The following PTPN5 variants were observed in gnomAD, a reference collection of about 807,000 sequenced individuals.
The protein encoded by PTPN5 is protein tyrosine phosphatase non-receptor type 5.
A neutral mutation model predicts 73.9 loss-of-function variants in PTPN5; 29 were observed. That is an observed-to-expected ratio of 0.39 (90% confidence interval 0.29 to 0.54). The LOEUF (loss-of-function observed/expected upper bound fraction) is 0.54, where lower values mean the gene tolerates loss of function less well. PTPN5 is among the 20% of genes least tolerant of loss of function. The probability of loss-of-function intolerance (pLI) is 0.65; values close to 1 mark genes in which losing one functional copy is unlikely to be tolerated. For missense variants in PTPN5, 652 were observed against 751.4 expected, an observed-to-expected ratio of 0.87 and a Z score of 1.55; for synonymous variants, 267 against 304.7, an observed-to-expected ratio of 0.88 and a Z score of 1.29.
At chr11:18,737,088 A>C (rs906190786) in intron 9 of PTPN5, among the ~76,000 whole-genome samples, 1 of 152,194 alleles carries the variant, frequency 6.6e-6, no homozygotes, top group African/African-American at 2.4e-5. Flanking sequence ...CCACAAACTG[A>C]ATGGAGTAGG....
Position 18,742,912 on chromosome 11 carries a change from G to T in PTPN5, c.483+80C>A. ...CCCACCCAGAATGTCCAGCCTATAA[G>T]TCAGATGGGAGCTGGTAGAAATCCA... On this transcript the variant is annotated intron_variant, in intron 6 of 14. Transcript: ENST00000358540. This position sits in a 1 kb window ranked among gnomAD's most constrained non-coding sequence, Gnocchi z 4.1. The T allele has an allele frequency of 1.0e-6, 1 of 972,474 alleles. No individual in the cohort carries two copies. Among genetic ancestry groups the T allele is most frequent in the Non-Finnish European group, 1.6e-6 (1 of 622,796 alleles). The allele number at this position is 972,474 out of a possible 1,614,324, so 60.2% of individuals were successfully genotyped here. A position where few individuals can be genotyped will look rare whatever the true frequency, so the allele number is the denominator to read the frequency against.
rs562876039 is a variant in PTPN5 at position 18,780,368 on chromosome 11, C to A, written c.-113-8297G>T. Among the ~76,000 whole-genome samples the A allele has an allele frequency of 8.6e-4, 131 of 152,328 alleles. No individual in the cohort carries two copies. In the South Asian group the frequency reaches 0.026, roughly 30 times the overall value. ...TGCCATGACATCCGCCTGCCCCAGCCATGCTCCCTCCTGCTTTTCTGCCTT... is the reference window on the plus strand; with the variant it reads ...TGCCATGACATCCGCCTGCCCCAGCAATGCTCCCTCCTGCTTTTCTGCCTT... On this transcript the variant is annotated intron_variant, in intron 1 of 14. Transcript: ENST00000358540.
At position 18,772,145 on chromosome 11, in the gene PTPN5, G is replaced by C. The variant is rs1320943189; in HGVS notation, c.-113-74C>G. 1.3e-5 allele frequency: 7 copies of C among 538,548 alleles called. No individual in the cohort carries two copies. The East Asian group carries it at 2.1e-4, about 16-fold the overall frequency. The allele number at this position is 538,548 out of a possible 1,614,324, so 33.4% of individuals were successfully genotyped here. ...CAGTGTGCCAACAATTTGCTTTCAG[G>C]TAGTTAAAATCCTGATTTCCTTCTG... On this transcript the variant is annotated intron_variant, in intron 1 of 14. Coordinates refer to ENST00000358540, the MANE Select transcript of PTPN5 (RefSeq NM_006906.2).
intron 1 of PTPN5, among the ~76,000 whole-genome samples, chr11:18,775,185 A>G (rs1415846328): frequency 2.0e-5 from 3 of 152,198 alleles, no homozygotes; most frequent in African/African-American, 7.2e-5. Context: ...TTATCACAGA[A>G]CTTCCCCCAT....
chr11:18,729,975 G>T lies in PTPN5; in HGVS notation c.1330-157C>A. The stretch of plus-strand genomic sequence containing the variant: ...TCCATCTAGGCCACATTGCCCAGTG[G>T]CACCAGACACAGACCCAAAGCCAGC... On this transcript the variant is annotated intron_variant, in intron 12 of 14. Coordinates refer to ENST00000358540, the MANE Select transcript of PTPN5 (RefSeq NM_006906.2). The surrounding 1 kb of genome is among the most constrained non-coding windows in gnomAD (Gnocchi z 5.2). 1 of 976,384 alleles carries T rather than the reference G, an allele frequency of 1.0e-6. No individual in the cohort carries two copies. The highest frequency in any genetic ancestry group is 1.6e-6 in the Non-Finnish European group (1 of 641,918). 60.5% of individuals were successfully genotyped at this position (976,384 alleles called of 1,614,324 possible).
chr11:18,753,148 G>C (rs1849969441), intron 3 of PTPN5, among the ~76,000 whole-genome samples: 1 of 152,230 alleles, frequency 6.6e-6, no homozygotes, highest in Non-Finnish European at 1.5e-5. Context: ...GGAAAATCCA[G>C]GTGACAGGAA....
rs902812229 is a variant in PTPN5 at position 18,771,894 on chromosome 11, C to T, written c.20+45G>A. The stretch of plus-strand genomic sequence containing the variant: ...CATCCAGATGGAGAAGGCTTGGCCT[C>T]CTCAGTGGGCGGGTTGCAGGGGGAC... On this transcript the variant is annotated intron_variant, in intron 2 of 14. Transcript: ENST00000358540. 6 of 1,569,204 alleles carry T rather than the reference C, an allele frequency of 3.8e-6. No homozygotes were observed. In the African/African-American group the frequency reaches 5.5e-5, roughly 14 times the overall value.
At position 18,740,803 on chromosome 11, in the gene PTPN5, C is replaced by G; in HGVS notation, c.726-11G>C. On this transcript the variant is annotated splice_polypyrimidine_tract_variant and intron_variant, in intron 7 of 14. Transcript: ENST00000358540. Reference sequence around the variant, plus strand: ...ACATTGGAACCCCTCCTGGAAGGACCAGGAAAGGGAGTGTGAGCCTCAGGG... The same window carrying G: ...ACATTGGAACCCCTCCTGGAAGGACGAGGAAAGGGAGTGTGAGCCTCAGGG... 1.3e-6 allele frequency: 2 copies of G among 1,495,068 alleles called. No individual in the cohort carries two copies. The highest frequency in any genetic ancestry group is 1.8e-6 in the Non-Finnish European group (2 of 1,114,802). The allele number at this position is 1,495,068 out of a possible 1,614,324, so 92.6% of individuals were successfully genotyped here. A position where few individuals can be genotyped will look rare whatever the true frequency, so the allele number is the denominator to read the frequency against.
intron 1 of PTPN5, among the ~76,000 whole-genome samples, chr11:18,774,783 G>A (rs113557460): frequency 0.015 from 2,285 of 152,338 alleles, 44 homozygotes; most frequent in African/African-American, 0.053. Context: ...GACCCTCCCA[G>A]CCTCTTCTCA....
intron 2 of PTPN5, among the ~76,000 whole-genome samples, chr11:18,770,928 T>TG (rs953281914): frequency 1.9e-4 from 29 of 152,068 alleles, no homozygotes; most frequent in South Asian, 4.2e-4. Flanking sequence ...CCCCTCTGCC[T>TG]GGGGGGTAGA....
chr11:18,766,241 C>T (rs1850640116), intron 2 of PTPN5, among the ~76,000 whole-genome samples: 1 of 152,210 alleles, frequency 6.6e-6, no homozygotes, highest in Admixed American at 6.5e-5. Context: ...GATCATTAAA[C>T]AGGCTCAGAG....
At chr11:18,735,931 G>A (rs1849092631) in intron 9 of PTPN5, among the ~76,000 whole-genome samples, 1 of 152,134 alleles carries the variant, frequency 6.6e-6, no homozygotes, top group Non-Finnish European at 1.5e-5. Flanking sequence ...CCAGTTAGAG[G>A]TTTACTGCAA....
At chr11:18,749,425 G>A (rs960693070) in intron 3 of PTPN5, 3 of 514,084 alleles carry the variant, frequency 5.8e-6, no homozygotes, top group East Asian at 5.5e-5. Flanking sequence ...TTGCCATGCC[G>A]CTTCTCAGTA....
intron 1 of PTPN5, among the ~76,000 whole-genome samples, chr11:18,785,307 CATT>C (rs1293807493): frequency 6.6e-6 from 1 of 152,168 alleles, no homozygotes; most frequent in Non-Finnish European, 1.5e-5. Context: ...TGGAGATGCT[CATT>C]ATTGACTATG....
At chr11:18,751,222 G>A (rs994968910) in intron 3 of PTPN5, among the ~76,000 whole-genome samples, 41 of 152,230 alleles carry the variant, frequency 2.7e-4, no homozygotes, top group African/African-American at 9.9e-4. Context: ...TTTTGTGGGT[G>A]TATAGCAGGC....
intron 12 of PTPN5, 31 bp downstream of exon 12, chr11:18,732,561 C>T: frequency 6.4e-7 from 1 of 1,563,762 alleles, no homozygotes; most frequent in South Asian, 1.1e-5. Flanking sequence ...CACTCATCCT[C>T]AGCTTCACCC....
At chr11:18,735,392 G>A (rs975522896) in intron 9 of PTPN5, among the ~76,000 whole-genome samples, 9 of 152,232 alleles carry the variant, frequency 5.9e-5, no homozygotes, top group South Asian at 4.1e-4. Context: ...TGTATGGGCC[G>A]TCTCCCTTCT....
rs144828233 is a variant in PTPN5, at chr11:18,786,099, G to C, written c.-114+5426C>G. 2.0e-3 allele frequency among the ~76,000 whole-genome samples: 297 copies of C among 152,282 alleles called. 2 individuals are homozygous for C. The highest frequency in any genetic ancestry group is 6.8e-3 in the African/African-American group (281 of 41,558). ...AAGCTTTTCTCAGTCTAAGAGTTTG[G>C]AAATTACTGAGTTTTGCCAGACACC... On this transcript the variant is annotated intron_variant, in intron 1 of 14. Transcript: ENST00000358540.
chr11:18,761,369 G>A (rs1867875), intron 3 of PTPN5, among the ~76,000 whole-genome samples: 37,450 of 152,060 alleles, frequency 0.25, 5,038 homozygotes, highest in African/African-American at 0.33. Context: ...AAGGAGTGGA[G>A]TCCCCAACAT....
Sources: gnomAD v4.1 joint callset for allele counts (sites outside exome capture counted in the v4.1 genomes callset) on GRCh38, gnomAD v4.1.1 for gene constraint, Gnocchi (gnomAD v3.1) non-coding constraint, MANE v1.5 for transcripts, NCBI Gene and HGNC (gene_info 2026-07-23, HGNC 2026-07-21) for gene names.